Variants in ZNF331 observed in about 807,000 individuals in gnomAD.
The protein encoded by ZNF331 is C2H2-like zinc finger protein rearranged in thyroid adenomas.
A neutral mutation model predicts 7.0 loss-of-function variants in ZNF331; 2 were observed. That is an observed-to-expected ratio of 0.29 (90% CI 0.12 to 0.90). ZNF331 has a LOEUF of 0.90. Ranked by LOEUF, ZNF331 falls within the 40% of genes least tolerant of loss-of-function variation. ZNF331 has a pLI of 0.58. For missense variants in ZNF331, 432 were observed against 587.7 expected (o/e 0.74, Z 2.74); for synonymous variants, 196 against 205.4 (o/e 0.95, Z 0.39).
chr19:53,547,122 A>T (rs188206934), intron 2 of ZNF331, among the ~76,000 whole-genome samples: 1 of 152,312 alleles, frequency 6.6e-6, no homozygotes, highest in East Asian at 1.9e-4. Context: ...ATTCAATATT[A>T]TTCATTATAT....
At chr19:53,521,939 T>G (rs2087103567) in exon 1 of ZNF331, 1 of 152,220 alleles carries the variant, frequency 6.6e-6, no homozygotes, top group South Asian at 2.1e-4. Flanking sequence ...CGTGAGAGGC[T>G]CTACGCTATT....
chr19:53,522,254 T>G (rs1250785299), intron 1 of ZNF331, among the ~76,000 whole-genome samples: 2 of 134,940 alleles, frequency 1.5e-5, no homozygotes, highest in African/African-American at 6.0e-5. Context: ...TTTTCTTTCT[T>G]TGTTTTTTTT....
At chr19:53,519,619 T>C (rs545936604), upstream of ZNF331, among the ~76,000 whole-genome samples, 1 of 152,286 alleles carries the variant, frequency 6.6e-6, no homozygotes, top group Non-Finnish European at 1.5e-5. Context: ...CAGCAAGCCA[T>C]ACAGCCCAGG....
chr19:53,512,216 G>T, the ZNF331 span: 1 of 153,050 alleles, frequency 6.5e-6, no homozygotes, highest in South Asian at 1.9e-4. Flanking sequence ...CCCCAGGGAC[G>T]CGCCAGTGGG....
chr19:53,547,236 C>G (rs139308634), intron 2 of ZNF331, among the ~76,000 whole-genome samples: 449 of 152,296 alleles, frequency 2.9e-3, no homozygotes, highest in Non-Finnish European at 4.8e-3. Context: ...GACCACCTCT[C>G]TTCTTCTGTG....
At chr19:53,549,009 T>A (rs2088809772) in intron 2 of ZNF331, among the ~76,000 whole-genome samples, 1 of 151,942 alleles carries the variant, frequency 6.6e-6, no homozygotes, top group Admixed American at 6.6e-5. Flanking sequence ...CCACCACACC[T>A]GGCTAATTTT....
At chr19:53,576,558 T>C (rs2090733604) in intron 5 of ZNF331, 139 bp from the exon 6 acceptor site, 1 of 692,670 alleles carries the variant, frequency 1.4e-6, no homozygotes, top group African/African-American at 1.8e-5. Context: ...AGAATCTACA[T>C]TTTAACAAGA....
At chr19:53,540,923 T>G (rs75884373) in intron 2 of ZNF331, among the ~76,000 whole-genome samples, 1 of 152,302 alleles carries the variant, frequency 6.6e-6, no homozygotes, top group East Asian at 1.9e-4. Flanking sequence ...CCCTGGTGAT[T>G]ACATTAGGCC....
At chr19:53,503,637 T>C in the ZNF331 span, 1 of 699,668 alleles carries the variant, frequency 1.4e-6, no homozygotes, top group Non-Finnish European at 2.6e-6. Context: ...GGATGTAAAT[T>C]TCTTTTTTGT....
At chr19:53,523,108 A>G (rs2569576) in intron 2 of ZNF331, among the ~76,000 whole-genome samples, 15,199 of 152,190 alleles carry the variant, frequency 0.1, 862 homozygotes, top group African/African-American at 0.16. Flanking sequence ...ATATATGTAT[A>G]CATTATGAGA....
exon 1 of ZNF331, chr19:53,521,944 G>A (rs953384260): frequency 2.6e-5 from 4 of 152,210 alleles, no homozygotes; most frequent in Admixed American, 6.5e-5. Context: ...GAGGCTCTAC[G>A]CTATTGTGAA....
chr19:53,559,283 T>C (rs1022624812), intron 3 of ZNF331, among the ~76,000 whole-genome samples: 1 of 149,140 alleles, frequency 6.7e-6, no homozygotes, highest in Non-Finnish European at 1.5e-5. Context: ...ACTACATATA[T>C]ACATACCATA....
At chr19:53,551,445 G>A (rs773076768) in intron 2 of ZNF331, among the ~76,000 whole-genome samples, 4 of 152,124 alleles carry the variant, frequency 2.6e-5, no homozygotes, top group African/African-American at 7.2e-5. Flanking sequence ...CACGGGTCAC[G>A]TTATACCTGT....
At chr19:53,575,264 C>T (rs1600510004) in intron 5 of ZNF331, among the ~76,000 whole-genome samples, 1 of 151,862 alleles carries the variant, frequency 6.6e-6, no homozygotes, top group African/African-American at 2.4e-5. Context: ...TAATAAAGGT[C>T]TGGTTTCCTA....
rs2090863957 is a variant in ZNF331 at position 53,579,933 on chromosome 19, T to G, written c.*1981T>G. The G allele has an allele frequency of 4.9e-6, 1 of 205,430 alleles. No individual in the cohort carries two copies. Among genetic ancestry groups the G allele is most frequent in the South Asian group, 1.9e-4 (1 of 5,290 alleles). The allele number at this position is 205,430 out of a possible 1,614,324, so 12.7% of individuals were successfully genotyped here. ...AAAATCAATTTAAAGGGGAGAAAAC[T>G]TCAGCACGTCTCAACAGAAGACCAC... is the stretch of plus-strand genomic sequence containing the variant. On this transcript the variant is annotated 3_prime_UTR_variant, in exon 6 of 6. Transcript: ENST00000449416.
chr19:53,567,609 A>T (rs2147617703), intron 3 of ZNF331, among the ~76,000 whole-genome samples: 1 of 152,140 alleles, frequency 6.6e-6, no homozygotes, highest in African/African-American at 2.4e-5. Context: ...CACCTTGGGA[A>T]GCTAAGGTGG....
intron 5 of ZNF331, among the ~76,000 whole-genome samples, chr19:53,575,221 G>T (rs2147701519): frequency 6.6e-6 from 1 of 152,068 alleles, no homozygotes; most frequent in South Asian, 2.1e-4. Context: ...TTACAGGCGT[G>T]AGCCACTGCA....
At chr19:53,572,005 T>G (rs1450185600) in intron 5 of ZNF331, among the ~76,000 whole-genome samples, 1 of 152,188 alleles carries the variant, frequency 6.6e-6, no homozygotes, top group Non-Finnish European at 1.5e-5. Context: ...ATGACCATCT[T>G]CAAAGGAGCC....
chr19:53,547,230 A>G (rs974284930), intron 2 of ZNF331, among the ~76,000 whole-genome samples: 1 of 151,772 alleles, frequency 6.6e-6, no homozygotes, highest in Non-Finnish European at 1.5e-5. Flanking sequence ...CCTGACGACC[A>G]CCTCTCTTCT....
Sources: gnomAD v4.1 joint callset for allele counts (sites outside exome capture counted in the v4.1 genomes callset) on GRCh38, gnomAD v4.1.1 for gene constraint, MANE v1.5 for transcripts, NCBI Gene and HGNC (gene_info 2026-07-23, HGNC 2026-07-21) for gene names.